Variants in ADAMTS3 observed in about 807,000 individuals in gnomAD.
ADAMTS3 encodes A disintegrin and metalloproteinase with thrombospondin motifs 3.
A neutral mutation model predicts 129.0 loss-of-function variants in ADAMTS3; 73 were observed. The observed-to-expected ratio is 0.57, with a 90% CI of 0.47 to 0.69. The LOEUF is 0.69. Among genes scored for constraint, ADAMTS3 ranks in the 30% least tolerant of loss-of-function variants. ADAMTS3 has a pLI of 0.00. For synonymous variants in ADAMTS3, 477 were observed against 510.8 expected, an observed-to-expected ratio of 0.93 and a Z score of 0.89; for missense variants, 1,457 against 1,514.5, an observed-to-expected ratio of 0.96 and a Z score of 0.63.
intron 4 of ADAMTS3, among the ~76,000 whole-genome samples, chr4:72,383,598 C>T (rs553567685): frequency 1.3e-5 from 2 of 152,224 alleles, no homozygotes; most frequent in Admixed American, 6.5e-5. Context: ...GTGTTCGAGG[C>T]GGACTCTAAG....
intron 5 of ADAMTS3, among the ~76,000 whole-genome samples, chr4:72,334,128 C>T (rs1719925159): frequency 6.6e-6 from 1 of 151,990 alleles, no homozygotes; most frequent in Admixed American, 6.6e-5. Flanking sequence ...GCTGGGATTA[C>T]AGGAGAAAGA....
intron 4 of ADAMTS3, among the ~76,000 whole-genome samples, chr4:72,392,578 T>C (rs1354646977): frequency 6.6e-6 from 1 of 152,210 alleles, no homozygotes; most frequent in African/African-American, 2.4e-5. Flanking sequence ...TAGCTAGGTT[T>C]AAGGCACACA....
At chr4:72,306,255 G>A (rs1027405349) in intron 15 of ADAMTS3, among the ~76,000 whole-genome samples, 188 bp from the exon 16 acceptor site, 14 of 151,900 alleles carry the variant, frequency 9.2e-5, no homozygotes, top group African/African-American at 3.4e-4. Flanking sequence ...GAAATTAGAG[G>A]CAACTTTTTT....
intron 4 of ADAMTS3, among the ~76,000 whole-genome samples, chr4:72,352,948 A>C (rs1157328702): frequency 1.3e-5 from 2 of 151,990 alleles, no homozygotes; most frequent in African/African-American, 4.8e-5. Context: ...AATATTTTGT[A>C]AACAGGCTTC....
chr4:72,292,103 T>C (rs1398446459), intron 19 of ADAMTS3, among the ~76,000 whole-genome samples: 2 of 152,176 alleles, frequency 1.3e-5, no homozygotes, highest in African/African-American at 4.8e-5. Flanking sequence ...CATCTGACAG[T>C]GAATCTTTAA....
At chr4:72,468,419 G>A (rs186977058) in intron 3 of ADAMTS3, among the ~76,000 whole-genome samples, 1 of 152,056 alleles carries the variant, frequency 6.6e-6, no homozygotes, top group East Asian at 1.9e-4. Context: ...CAAACATTAT[G>A]CAATTATTTC....
intron 3 of ADAMTS3, among the ~76,000 whole-genome samples, chr4:72,508,307 T>C (rs788930): frequency 0.33 from 49,749 of 151,950 alleles, 8,683 homozygotes; most frequent in East Asian, 0.44. Flanking sequence ...ATAAGCAGAC[T>C]GAATGGAAGA....
At chr4:72,421,271 C>G (rs1405791293) in intron 3 of ADAMTS3, among the ~76,000 whole-genome samples, 2 of 152,208 alleles carry the variant, frequency 1.3e-5, no homozygotes, top group African/African-American at 4.8e-5. Flanking sequence ...CGCTTTCACT[C>G]TCTATCCTAA....
intron 3 of ADAMTS3, among the ~76,000 whole-genome samples, chr4:72,422,981 C>T (rs975789501): frequency 1.3e-5 from 2 of 152,108 alleles, no homozygotes; most frequent in Non-Finnish European, 2.9e-5. Context: ...GTCTAAGTGA[C>T]ATTTTTAAAA....
intron 4 of ADAMTS3, among the ~76,000 whole-genome samples, chr4:72,351,295 G>T (rs1305573672): frequency 6.6e-6 from 1 of 151,798 alleles, no homozygotes; most frequent in South Asian, 2.1e-4. Flanking sequence ...TAGAAGCTTG[G>T]ATTTACAGGC....
chr4:72,376,333 G>A (rs1214885576), intron 4 of ADAMTS3, among the ~76,000 whole-genome samples: 1 of 152,118 alleles, frequency 6.6e-6, no homozygotes, highest in African/African-American at 2.4e-5. Flanking sequence ...GAAAGGTAGG[G>A]CAGCTCTTTG....
intron 2 of ADAMTS3, among the ~76,000 whole-genome samples, chr4:72,556,493 T>C (rs1721770970): frequency 6.6e-6 from 1 of 151,738 alleles, no homozygotes; most frequent in South Asian, 2.1e-4. Context: ...TATAAATCTC[T>C]TATATGTCAC....
intron 5 of ADAMTS3, among the ~76,000 whole-genome samples, chr4:72,336,312 T>A (rs571085085): frequency 2.0e-5 from 3 of 152,326 alleles, no homozygotes; most frequent in African/African-American, 7.2e-5. Flanking sequence ...AGTCTCTGTG[T>A]CTATGTAGGC....
intron 3 of ADAMTS3, among the ~76,000 whole-genome samples, chr4:72,419,743 C>T (rs569512480): frequency 1.8e-4 from 27 of 152,228 alleles, no homozygotes; most frequent in Non-Finnish European, 3.8e-4. Flanking sequence ...TACAAAAACT[C>T]CTGGCACACA....
At position 72,309,532 on chromosome 4, in the gene ADAMTS3, A is replaced by T; in HGVS notation, c.2056-12T>A. 3 of 1,610,528 alleles carry T rather than the reference A, an allele frequency of 1.9e-6. No homozygotes were observed. Among genetic ancestry groups the T allele is most frequent in the Non-Finnish European group, 1.7e-6 (2 of 1,177,522 alleles). On this transcript the variant is annotated splice_polypyrimidine_tract_variant and intron_variant, in intron 14 of 21. Transcript: ENST00000286657. ...TCACAGCCCACTTTCTGGAGAGAGA[A>T]GATGTCAAATGTGGCTAATTTTAGT... is the stretch of plus-strand genomic sequence containing the variant.
chr4:72,406,210 T>C (rs1026099315), intron 4 of ADAMTS3, among the ~76,000 whole-genome samples: 2 of 152,008 alleles, frequency 1.3e-5, no homozygotes, highest in African/African-American at 4.8e-5. Flanking sequence ...GCAGACTATA[T>C]AGTCAAGCTG....
At chr4:72,308,744 T>C (rs894124273) in intron 15 of ADAMTS3, among the ~76,000 whole-genome samples, 1 of 151,912 alleles carries the variant, frequency 6.6e-6, no homozygotes, top group Admixed American at 6.6e-5. Flanking sequence ...ATTTGATGCA[T>C]GAAGACAGCT....
intron 3 of ADAMTS3, among the ~76,000 whole-genome samples, chr4:72,432,759 G>A (rs200374695): frequency 7.2e-6 from 1 of 138,788 alleles, no homozygotes; most frequent in African/African-American, 2.7e-5. Flanking sequence ...TAAAACAGAT[G>A]AGTAAGTTTT....
chr4:72,328,654 T>C (rs1425418461), intron 5 of ADAMTS3, among the ~76,000 whole-genome samples: 1 of 151,828 alleles, frequency 6.6e-6, no homozygotes, highest in East Asian at 1.9e-4. Context: ...AATAAATGAG[T>C]TCATATAGGT....
Sources: gnomAD v4.1 joint callset for allele counts (sites outside exome capture counted in the v4.1 genomes callset) on GRCh38, gnomAD v4.1.1 for gene constraint, MANE v1.5 for transcripts, NCBI Gene and HGNC (gene_info 2026-07-23, HGNC 2026-07-21) for gene names.